Variants in CDH16 observed in about 807,000 individuals in gnomAD.
CDH16 encodes cadherin-16.
In CDH16, 79 loss-of-function variants were observed where a neutral mutation model predicts 87.6. The ratio of observed to expected loss-of-function variants is 0.90; its 90% CI spans 0.75 to 1.09. The LOEUF is 1.09. Ranked by LOEUF, CDH16 falls within the 50% of genes least tolerant of loss-of-function variation. The probability of loss-of-function intolerance (pLI) is 0.00; values close to 1 mark genes in which losing one functional copy is unlikely to be tolerated. For missense variants in CDH16, 1,124 were observed against 1,071.7 expected, an observed-to-expected ratio of 1.05 and a Z score of -0.68; for synonymous variants, 457 against 439.5, an observed-to-expected ratio of 1.04 and a Z score of -0.50.
chr16:66,914,968 T>C (rs1962613497), intron 6 of CDH16, among the ~76,000 whole-genome samples: 1 of 152,130 alleles, frequency 6.6e-6, no homozygotes, highest in Admixed American at 6.5e-5. Flanking sequence ...CCTTAGACTG[T>C]TCCTATCTTT....
Position 66,917,916 on chromosome 16 carries a change from T to C in CDH16, c.45+105A>G, listed in dbSNP as rs892567184. 3 of 1,130,266 alleles carry C rather than the reference T, an allele frequency of 2.7e-6. No homozygotes were observed. The African/African-American group carries it at 4.6e-5, about 17-fold the overall frequency. The allele number at this position is 1,130,266 out of a possible 1,614,324, so 70.0% of individuals were successfully genotyped here. A position where few individuals can be genotyped will look rare whatever the true frequency, so the allele number is the denominator to read the frequency against. ...CCCAGCTCTGACCCCTCCCATGCCT[T>C]GCACCGTTCTCACGGTCAGTGCAAT... On this transcript the variant is annotated intron_variant, in intron 2 of 17. Transcript: ENST00000299752.
At position 66,909,943 on chromosome 16, in the gene CDH16, G is replaced by T. The variant is rs115401381; in HGVS notation, c.2275+43C>A. The T allele has an allele frequency of 7.1e-7, 1 of 1,411,670 alleles. No homozygotes were observed. The highest frequency in any genetic ancestry group is 1.3e-5 in the South Asian group (1 of 78,724). 87.4% of individuals were successfully genotyped at this position (1,411,670 alleles called of 1,614,324 possible). On this transcript the variant is annotated intron_variant, in intron 16 of 17. Transcript: ENST00000299752. The surrounding 1 kb of genome is among the most constrained non-coding windows in gnomAD (Gnocchi z 4.1). ...CAGCTCCCTCCCCTTGCATCCCAGC[G>T]GTTCCCTCAGGAACTGCAGGCTGCA...
At position 66,911,317 on chromosome 16, in the gene CDH16, T is replaced by C. The variant is rs943123166; in HGVS notation, c.1791-2A>G. On this transcript the variant is annotated splice_acceptor_variant, in intron 13 of 17. Coordinates refer to ENST00000299752, the MANE Select transcript of CDH16 (RefSeq NM_004062.4). LOFTEE classifies it high-confidence loss of function. ...TCTGAGTCATTGACTAGGGAGAACC[T>C]GCCGCCCAAAGAAGGAGGTGAGGAG... The C allele has an allele frequency of 1.2e-6, 2 of 1,613,094 alleles. No individual in the cohort carries two copies. The highest frequency in any genetic ancestry group is 8.5e-7 in the Non-Finnish European group (1 of 1,179,564).
chr16:66,915,928 A>G (rs1355543356), intron 5 of CDH16, 137 bp downstream of exon 5: 7 of 1,006,054 alleles, frequency 7.0e-6, no homozygotes, highest in African/African-American at 1.6e-5. Context: ...AAGAAAAAAG[A>G]GAAAAGAAAA....
At chr16:66,918,652 T>C (rs554509216) in intron 1 of CDH16, among the ~76,000 whole-genome samples, 152 bp downstream of exon 1, 10 of 152,226 alleles carry the variant, frequency 6.6e-5, no homozygotes, top group Admixed American at 1.3e-4. Flanking sequence ...GTCATGGAGC[T>C]GGGCAGGCAG....
chr16:66,912,984 T>A, intron 9 of CDH16, 93 bp from the exon 10 acceptor site: 1 of 1,399,224 alleles, frequency 7.1e-7, no homozygotes, highest in Non-Finnish European at 9.9e-7. Flanking sequence ...TAAACTGAAT[T>A]TGAGCTCGTG....
At position 66,912,004 on chromosome 16, in the gene CDH16, G is replaced by C. The variant is rs1962439804; in HGVS notation, c.1685C>G (p.Pro562Arg). The C allele has an allele frequency of 6.8e-6, 11 of 1,614,164 alleles. No individual in the cohort carries two copies. Among genetic ancestry groups the C allele is most frequent in the Non-Finnish European group, 9.3e-6 (11 of 1,180,012 alleles). ...CTCGTAGCTCTCCTGGTCCAACTTG[G>C]GGGGTGGCATCACTCTCTCCACTAG... is the stretch of plus-strand genomic sequence containing the variant. ...TVLVERVMPP[P>R]KLDQESYEAS... Residue 562 changes from proline to arginine, a missense_variant, in exon 13 of 18, where the codon CCC becomes CGC. Physicochemically the swap from Pro to Arg is moderately radical, Grantham distance 103 (BLOSUM62 -2). Transcript: ENST00000299752.
intron 17 of CDH16, 124 bp from the exon 18 acceptor site, chr16:66,908,613 GGCTGGGCTGGGTATGACTCT>G (rs1962265312): frequency 1.3e-6 from 1 of 773,662 alleles, no homozygotes; most frequent in African/African-American, 1.7e-5. Context: ...AGCATCCTGA[GGCTGGGCTGGGTATGACTCT>G]GTGGTGGTGC....
chr16:66,909,491 G>A lies in CDH16; in HGVS notation c.2276-108C>T. On this transcript the variant is annotated intron_variant, in intron 16 of 17. Transcript: ENST00000299752. This position sits in a 1 kb window ranked among gnomAD's most constrained non-coding sequence, Gnocchi z 4.1. The stretch of plus-strand genomic sequence containing the variant: ...GATATGTGTGTGTTTCTGCACATGT[G>A]TGTATTCACATGTGTGTGAAGATAT... 2.8e-6 allele frequency: 2 copies of A among 726,724 alleles called. No homozygotes were observed. The highest frequency in any genetic ancestry group is 4.8e-6 in the Non-Finnish European group (2 of 420,840). 45.0% of individuals were successfully genotyped at this position (726,724 alleles called of 1,614,324 possible).
rs1962355642 is a variant in CDH16, at chr16:66,910,350, G to A, written c.2077C>T (p.Pro693Ser). 3.1e-6 allele frequency: 5 copies of A among 1,613,886 alleles called. No homozygotes were observed. The East Asian group carries it at 1.1e-4, about 36-fold the overall frequency. ...GGACCGTGCCCACTGGCCAGATCGGGGTCCTTGCTGGGTCCACTCACGATC... is the reference window on the plus strand; with the variant it reads ...GGACCGTGCCCACTGGCCAGATCGGAGTCCTTGCTGGGTCCACTCACGATC... ...GLIVSGPSKD[P>S]DLASGHGPYS... The change falls in exon 15 of 18, where the codon CCC becomes TCC. Residue 693 changes from proline (P) to serine (S), a missense_variant. By Grantham distance (74) the Pro-to-Ser change is moderately conservative. Transcript: ENST00000299752.
In CDH16 at chr16:66,909,865, C is replaced by CAAGT; in HGVS notation, c.2275+117_2275+120dup. 2.8e-6 allele frequency: 2 copies of CAAGT among 714,354 alleles called. No individual in the cohort carries two copies. Among genetic ancestry groups the CAAGT allele is most frequent in the South Asian group, 3.5e-5 (2 of 56,606 alleles). 44.3% of individuals were successfully genotyped at this position (714,354 alleles called of 1,614,324 possible). On this transcript the variant is annotated intron_variant, in intron 16 of 17. Coordinates refer to ENST00000299752, the MANE Select transcript of CDH16 (RefSeq NM_004062.4). The surrounding 1 kb of genome is among the most constrained non-coding windows in gnomAD (Gnocchi z 4.1). ...GTATGTGTGCCCAGCCATAGGTGTGCAAGTGTGCACAGGCATGTGCTGTCC... is the reference window on the plus strand; with the variant it reads ...GTATGTGTGCCCAGCCATAGGTGTGCAAGTAAGTGTGCACAGGCATGTGCTGTCC...
chr16:66,918,059 G>A lies in CDH16; in HGVS notation c.7C>T (p.Pro3Ser), dbSNP rs755606606. Residue 3 changes from proline to serine, a missense_variant, in exon 2 of 18, where the codon CCT becomes TCT. By Grantham distance (74) the Pro-to-Ser change is moderately conservative. Coordinates refer to ENST00000299752, the MANE Select transcript of CDH16 (RefSeq NM_004062.4). ...ACACAAAGCAGCCACAGCCAGGCAGGGACCATGGTCAGGACAGGCCTGAGG... is the reference window on the plus strand; with the variant it reads ...ACACAAAGCAGCCACAGCCAGGCAGAGACCATGGTCAGGACAGGCCTGAGG... MVPAWLWLLCVSV... is the reference protein window; with the variant it reads MVSAWLWLLCVSV... 14 of 1,584,474 alleles carry A rather than the reference G, an allele frequency of 8.8e-6. No homozygotes were observed. Among genetic ancestry groups the A allele is most frequent in the Non-Finnish European group, 7.7e-6 (9 of 1,165,080 alleles).
intron 3 of CDH16, among the ~76,000 whole-genome samples, 164 bp downstream of exon 3, chr16:66,917,478 C>T (rs557941557): frequency 1.3e-5 from 2 of 152,202 alleles, no homozygotes; most frequent in Admixed American, 1.3e-4. Flanking sequence ...ACTTCTGGTC[C>T]CAAGCATTTC....
chr16:66,909,401 G>A lies in CDH16; in HGVS notation c.2276-18C>T. On this transcript the variant is annotated intron_variant, in intron 16 of 17. Coordinates refer to ENST00000299752, the MANE Select transcript of CDH16 (RefSeq NM_004062.4). The surrounding 1 kb of genome is among the most constrained non-coding windows in gnomAD (Gnocchi z 4.1). ...CACGATCACTGAGGGGAGAGGGGAG[G>A]AAGGTAAGGGGAGGGAGGGGAGGGC... 1.5e-6 allele frequency: 1 copy of A among 660,166 alleles called. No homozygotes were observed. Among genetic ancestry groups the A allele is most frequent in the South Asian group, 1.4e-5 (1 of 72,926 alleles). The allele number at this position is 660,166 out of a possible 1,614,324, so 40.9% of individuals were successfully genotyped here. A position where few individuals can be genotyped will look rare whatever the true frequency, so the allele number is the denominator to read the frequency against.
Position 66,910,419 on chromosome 16 carries a change from C to A in CDH16, c.2008G>T (p.Val670Leu). The A allele has an allele frequency of 6.2e-7, 1 of 1,606,804 alleles. No homozygotes were observed. The highest frequency in any genetic ancestry group is 8.5e-7 in the Non-Finnish European group (1 of 1,175,922). Residue 670 changes from valine to leucine, a missense_variant, in exon 15 of 18, where the codon GTG (valine) becomes TTG (leucine). By Grantham distance (32) the Val-to-Leu change is conservative. Coordinates refer to ENST00000299752, the MANE Select transcript of CDH16 (RefSeq NM_004062.4). ...PPAPALTLAP[V>L]PSQYLCTPRQ... ...GGTGTGCAGAGGTATTGGGAGGGCA[C>A]AGGGGCAAGAGTCAGGGCTGGGGCA...
At chr16:66,917,510 T>G in intron 3 of CDH16, 132 bp downstream of exon 3, 1 of 715,958 alleles carries the variant, frequency 1.4e-6, no homozygotes, top group Non-Finnish European at 2.6e-6. Flanking sequence ...ACTCAACCTG[T>G]GTAACGTGTA....
intron 9 of CDH16, 103 bp downstream of exon 9, chr16:66,913,028 G>A: frequency 7.5e-7 from 1 of 1,326,076 alleles, no homozygotes; most frequent in Non-Finnish European, 1.1e-6. Flanking sequence ...GTGTGTTATG[G>A]AGGGACATTG....
At chr16:66,917,939 A>G in intron 2 of CDH16, 82 bp downstream of exon 2, 2 of 1,251,648 alleles carry the variant, frequency 1.6e-6, no homozygotes, top group East Asian at 2.5e-5. Context: ...CGGTCAGTGC[A>G]ATTGGTCCAG....
Position 66,918,815 on chromosome 16 carries a change from CA to C in CDH16, c.-26del, listed in dbSNP as rs1035839565. 2.6e-5 allele frequency: 4 copies of C among 152,850 alleles called. No individual in the cohort carries two copies. The highest frequency in any genetic ancestry group is 5.9e-5 in the Non-Finnish European group (4 of 68,360). 9.5% of individuals were successfully genotyped at this position (152,850 alleles called of 1,614,324 possible). A position where few individuals can be genotyped will look rare whatever the true frequency, so the allele number is the denominator to read the frequency against. On this transcript the variant is annotated 5_prime_UTR_variant, in exon 1 of 18. Coordinates refer to ENST00000299752, the MANE Select transcript of CDH16 (RefSeq NM_004062.4). Reference sequence around the variant, plus strand: ...TCCCAGCCCCTCACCCTCCAGCGCCCAAGACTGGCTCCCTTGGTCCAGCTGC... The same window carrying C: ...TCCCAGCCCCTCACCCTCCAGCGCCCAGACTGGCTCCCTTGGTCCAGCTGC...
Sources: allele counts gnomAD v4.1 joint callset (sites outside exome capture counted in the v4.1 genomes callset), GRCh38; gene constraint gnomAD v4.1.1; non-coding constraint Gnocchi (gnomAD v3.1); transcripts MANE v1.5; gene names NCBI Gene and HGNC (gene_info 2026-07-23, HGNC 2026-07-21).